Variants in TMEM132B observed in about 807,000 individuals in gnomAD.
The protein encoded by TMEM132B is transmembrane protein 132B.
Under a neutral mutation model 90.8 loss-of-function variants are expected in TMEM132B, and 18 were observed. The ratio of observed to expected loss-of-function variants is 0.20; its 90% CI spans 0.14 to 0.29. The LOEUF (loss-of-function observed/expected upper bound fraction) is 0.29. TMEM132B is among the 10% of genes least tolerant of loss of function. The pLI, the probability that TMEM132B is intolerant of heterozygous loss-of-function variation, is 1.00. For missense variants in TMEM132B, 1,096 were observed against 1,326.8 expected, an observed-to-expected ratio of 0.83 and a Z score of 2.70; for synonymous variants, 504 against 523.3, an observed-to-expected ratio of 0.96 and a Z score of 0.50.
intron 2 of TMEM132B, among the ~76,000 whole-genome samples, chr12:125,414,429 A>C (rs1009423733): frequency 6.6e-6 from 1 of 151,878 alleles, no homozygotes; most frequent in African/African-American, 2.4e-5. Flanking sequence ...GGCATAATGC[A>C]CCTGTCTTTG....
chr12:125,470,799 G>T (rs1332373213), intron 3 of TMEM132B, among the ~76,000 whole-genome samples: 1 of 152,164 alleles, frequency 6.6e-6, no homozygotes, highest in African/African-American at 2.4e-5. Context: ...TAAGGACATG[G>T]TTTGGCTCCT....
At chr12:125,375,726 G>A (rs564473074) in intron 2 of TMEM132B, among the ~76,000 whole-genome samples, 34 of 152,322 alleles carry the variant, frequency 2.2e-4, no homozygotes, top group African/African-American at 7.7e-4. Context: ...AACATGATGA[G>A]GGTTCAGAGA....
At chr12:125,429,972 C>T (rs1002681149) in intron 3 of TMEM132B, among the ~76,000 whole-genome samples, 1 of 152,138 alleles carries the variant, frequency 6.6e-6, no homozygotes, top group Non-Finnish European at 1.5e-5. Flanking sequence ...GAAGTATATA[C>T]AGATGTATTT....
At chr12:125,286,741 T>C (rs1287154371) in intron 1 of TMEM132B, among the ~76,000 whole-genome samples, 1 of 151,992 alleles carries the variant, frequency 6.6e-6, no homozygotes, top group African/African-American at 2.4e-5. Context: ...TCTCACTCTG[T>C]CGCCCAGGCT....
chr12:125,472,753 C>T (rs979960658), intron 3 of TMEM132B, among the ~76,000 whole-genome samples: 2 of 152,144 alleles, frequency 1.3e-5, no homozygotes, highest in Non-Finnish European at 2.9e-5. Context: ...GAAGGCACCA[C>T]CTGTGAGGAA....
intron 1 of TMEM132B, among the ~76,000 whole-genome samples, chr12:125,210,167 T>C (rs143028755): frequency 1.2e-4 from 18 of 151,616 alleles, no homozygotes; most frequent in African/African-American, 4.4e-4. Flanking sequence ...AGAAGTGAGG[T>C]TGGGTGTGGG....
Position 125,419,959 on chromosome 12 carries a change from C to T in TMEM132B, c.1106+4282C>T, listed in dbSNP as rs1050289630. ...GCTCTAAAATGATCTCCTTTGACTCCGTGTCTCACGTCCAGGTCACACTGA... is the reference window on the plus strand; with the variant it reads ...GCTCTAAAATGATCTCCTTTGACTCTGTGTCTCACGTCCAGGTCACACTGA... On this transcript the variant is annotated intron_variant, in intron 3 of 8. Coordinates refer to ENST00000682704, the MANE Select transcript of TMEM132B (RefSeq NM_001366854.1). Among the ~76,000 whole-genome samples, 8 of 152,210 alleles carry T rather than the reference C, an allele frequency of 5.3e-5. No individual in the cohort carries two copies. In the South Asian group the frequency reaches 8.3e-4, roughly 16 times the overall value.
intron 1 of TMEM132B, among the ~76,000 whole-genome samples, chr12:125,281,107 C>G (rs753479845): frequency 2.5e-4 from 38 of 152,272 alleles, no homozygotes; most frequent in Middle Eastern, 3.4e-3. Context: ...CAGGGGACCC[C>G]CAGCGGTTCC....
rs1879583938 is a variant in TMEM132B, at chr12:125,408,606, T to A, written c.960-6925T>A. On this transcript the variant is annotated intron_variant, in intron 2 of 8. Coordinates refer to ENST00000682704, the MANE Select transcript of TMEM132B (RefSeq NM_001366854.1). This position sits in a 1 kb window ranked among gnomAD's most constrained non-coding sequence, Gnocchi z 5.9. The stretch of plus-strand genomic sequence containing the variant: ...AAGTTTGTGGTATTTTGTTAGACTG[T>A]CCCGAACAGATTAAGGCAATGAGCA... 6.6e-6 allele frequency among the ~76,000 whole-genome samples: 1 copy of A among 152,226 alleles called. No individual in the cohort carries two copies. The highest frequency in any genetic ancestry group is 1.5e-5 in the Non-Finnish European group (1 of 68,038).
intron 1 of TMEM132B, among the ~76,000 whole-genome samples, chr12:125,318,034 G>A (rs181391892): frequency 3.9e-5 from 6 of 152,282 alleles, no homozygotes; most frequent in South Asian, 4.1e-4. Flanking sequence ...AGTGGGTTAC[G>A]GCGATGTATG....
intron 4 of TMEM132B, among the ~76,000 whole-genome samples, chr12:125,573,172 A>T (rs1884845358): frequency 6.6e-6 from 1 of 152,164 alleles, no homozygotes; most frequent in Non-Finnish European, 1.5e-5. Context: ...TGATTGCTAA[A>T]GGGGTGTTAT....
At chr12:125,336,126 T>C (rs570454324) in intron 1 of TMEM132B, among the ~76,000 whole-genome samples, 38 of 152,334 alleles carry the variant, frequency 2.5e-4, no homozygotes, top group African/African-American at 8.4e-4. Flanking sequence ...TCCAATTCCC[T>C]TGTTTAAAAT....
chr12:125,544,332 C>T (rs1003704917), intron 4 of TMEM132B, among the ~76,000 whole-genome samples: 5 of 152,004 alleles, frequency 3.3e-5, no homozygotes, highest in South Asian at 2.1e-4. Flanking sequence ...CCATGTACCC[C>T]GGAACTTAAA....
At chr12:125,569,544 A>G (rs1245038342) in intron 4 of TMEM132B, among the ~76,000 whole-genome samples, 1 of 152,098 alleles carries the variant, frequency 6.6e-6, no homozygotes, top group African/African-American at 2.4e-5. Context: ...TGTCCCACTT[A>G]CCTTCCCTAT....
chr12:125,308,249 T>G (rs568368155), intron 1 of TMEM132B, among the ~76,000 whole-genome samples: 20 of 151,890 alleles, frequency 1.3e-4, no homozygotes, highest in Admixed American at 1.1e-3. Flanking sequence ...TACATAATAT[T>G]TTTGCAACTT....
intron 1 of TMEM132B, among the ~76,000 whole-genome samples, chr12:125,302,665 A>G (rs1477505893): frequency 1.3e-5 from 2 of 152,134 alleles, no homozygotes; most frequent in Middle Eastern, 3.2e-3. Context: ...TTTAAAATTT[A>G]TTTTTGTAAT....
At position 125,496,328 on chromosome 12, in the gene TMEM132B, T is replaced by G. The variant is rs141613854; in HGVS notation, c.1107-23111T>G. On this transcript the variant is annotated intron_variant, in intron 3 of 8. Coordinates refer to ENST00000682704, the MANE Select transcript of TMEM132B (RefSeq NM_001366854.1). ...AGTACTAGGCTTTAAGAAAGGAGGT[T>G]TGCCTGGCACTTGACACAATTTATT... 1.6e-4 allele frequency among the ~76,000 whole-genome samples: 24 copies of G among 152,276 alleles called. No homozygotes were observed. The East Asian group carries it at 4.4e-3, about 28-fold the overall frequency.
At chr12:125,373,229 C>T (rs1246721009) in intron 2 of TMEM132B, among the ~76,000 whole-genome samples, 1 of 152,220 alleles carries the variant, frequency 6.6e-6, no homozygotes, top group African/African-American at 2.4e-5. Context: ...CACGCCTTTA[C>T]ATCTCGGATA....
intron 1 of TMEM132B, among the ~76,000 whole-genome samples, chr12:125,263,733 C>T (rs924839105): frequency 4.6e-5 from 7 of 152,122 alleles, no homozygotes; most frequent in Non-Finnish European, 1.0e-4. Context: ...GCAGTATAAC[C>T]AAGGGTTTTG....
Sources: gnomAD v4.1 joint callset for allele counts (sites outside exome capture counted in the v4.1 genomes callset) on GRCh38, gnomAD v4.1.1 for gene constraint, Gnocchi (gnomAD v3.1) non-coding constraint, MANE v1.5 for transcripts, NCBI Gene and HGNC (gene_info 2026-07-23, HGNC 2026-07-21) for gene names.